The following SVIL variants were observed in gnomAD, a reference collection of about 807,000 sequenced individuals.
The protein encoded by SVIL is archvillin.
A neutral mutation model predicts 240.4 loss-of-function variants in SVIL; 101 were observed. The ratio of observed to expected loss-of-function variants is 0.42; its 90% CI spans 0.36 to 0.50. The LOEUF is 0.50. SVIL is among the 20% of genes least tolerant of loss of function. The pLI is 0.01. For synonymous variants in SVIL, 999 were observed against 1,100.0 expected (o/e 0.91, Z 1.82); for missense variants, 2,512 against 2,818.7 (o/e 0.89, Z 2.46).
chr10:29,659,894 T>C (rs1035919563), intron 2 of SVIL, among the ~76,000 whole-genome samples: 1 of 152,218 alleles, frequency 6.6e-6, no homozygotes, highest in Non-Finnish European at 1.5e-5. Flanking sequence ...TAGATCAATG[T>C]AAGCCTCTCT....
chr10:29,548,935 G>A (rs1952949197), intron 6 of SVIL, among the ~76,000 whole-genome samples: 1 of 152,166 alleles, frequency 6.6e-6, no homozygotes, highest in Non-Finnish European at 1.5e-5. Context: ...TTTTTAAAAC[G>A]AACATAAGAC....
chr10:29,689,998 G>A (rs562160551), intron 1 of SVIL, among the ~76,000 whole-genome samples: 6 of 152,218 alleles, frequency 3.9e-5, no homozygotes, highest in South Asian at 4.1e-4. Flanking sequence ...AAAATCTAAC[G>A]TTGGTGACAA....
intron 1 of SVIL, among the ~76,000 whole-genome samples, chr10:29,585,660 T>C (rs548317680): frequency 2.0e-5 from 3 of 151,548 alleles, no homozygotes; most frequent in Non-Finnish European, 3.0e-5. Context: ...GTGCTAAAAA[T>C]ACACACACAC....
At chr10:29,732,017 CTTCT>C (rs1031257842) in intron 1 of SVIL, among the ~76,000 whole-genome samples, 1 of 152,250 alleles carries the variant, frequency 6.6e-6, no homozygotes, top group Non-Finnish European at 1.5e-5. Flanking sequence ...CCTGCAGCGG[CTTCT>C]TTCTTTCCAG....
At chr10:29,619,153 T>C (rs966747182) in intron 1 of SVIL, among the ~76,000 whole-genome samples, 9 of 152,132 alleles carry the variant, frequency 5.9e-5, no homozygotes, top group Admixed American at 2.0e-4. Context: ...CAGAAGTCAT[T>C]ATGCGCAAAA....
At chr10:29,708,955 A>G (rs940331689) in intron 1 of SVIL, among the ~76,000 whole-genome samples, 3 of 152,244 alleles carry the variant, frequency 2.0e-5, no homozygotes, top group Non-Finnish European at 4.4e-5. Flanking sequence ...TCAATAGAAC[A>G]GTACAAAGAT....
At chr10:29,721,973 C>T (rs1353512337) in intron 1 of SVIL, among the ~76,000 whole-genome samples, 1 of 152,096 alleles carries the variant, frequency 6.6e-6, no homozygotes, top group Non-Finnish European at 1.5e-5. Context: ...GCTGGTGGCT[C>T]ACGCTTATAA....
intron 17 of SVIL, among the ~76,000 whole-genome samples, chr10:29,500,800 C>T (rs1184057057): frequency 1.3e-5 from 2 of 152,128 alleles, no homozygotes; most frequent in African/African-American, 2.4e-5. Context: ...CCTAGAGATT[C>T]TCTTCCCCGA....
At chr10:29,480,078 C>G (rs1287113008) in intron 29 of SVIL, among the ~76,000 whole-genome samples, 3 of 152,242 alleles carry the variant, frequency 2.0e-5, no homozygotes, top group South Asian at 2.1e-4. Flanking sequence ...CAGCCTCTTT[C>G]ACTTTTCAAA....
chr10:29,573,484 T>A (rs114528033), intron 1 of SVIL, among the ~76,000 whole-genome samples: 321 of 152,276 alleles, frequency 2.1e-3, no homozygotes, highest in African/African-American at 7.4e-3. Context: ...TTTATGTTCA[T>A]AGAAAGTATC....
At position 29,458,273 on chromosome 10, in the gene SVIL, G is replaced by T; in HGVS notation, c.6619C>A (p.Leu2207Met). The change falls in exon 38 of 38, where the codon CTG (leucine) becomes ATG (methionine). Residue 2207 changes from leucine to methionine, a missense_variant. Physicochemically the swap from Leu to Met is conservative, Grantham distance 15 (BLOSUM62 2). This residue lies in a region of SVIL where 797 missense variants were observed against 925.3 expected (regional missense o/e 0.86). Transcript: ENST00000355867. ...CAGAACAGGCCTTTTGCTTTCTTCA[G>T]GTTCACCTGCTTCCAGGCGGGCAGG... is the stretch of plus-strand genomic sequence containing the variant. Reference protein sequence around the residue: ...NALPAWKQVNLKKAKGLF With the variant: ...NALPAWKQVNMKKAKGLF The T allele has an allele frequency of 6.2e-7, 1 of 1,614,228 alleles. No homozygotes were observed. Among genetic ancestry groups the T allele is most frequent in the Non-Finnish European group, 8.5e-7 (1 of 1,180,050 alleles).
intron 2 of SVIL, among the ~76,000 whole-genome samples, chr10:29,565,192 CTCTT>C (rs1234926784): frequency 5.9e-5 from 9 of 152,134 alleles, no homozygotes; most frequent in Non-Finnish European, 1.3e-4. Flanking sequence ...CGTTATTTTC[CTCTT>C]TCTTTCTGTT....
chr10:29,470,866 C>T (rs1467394260), intron 31 of SVIL, among the ~76,000 whole-genome samples: 1 of 152,134 alleles, frequency 6.6e-6, no homozygotes, highest in African/African-American at 2.4e-5. Context: ...AGAAGAGCCA[C>T]TGATTTTTCT....
chr10:29,562,606 A>G (rs1171252872), intron 3 of SVIL, among the ~76,000 whole-genome samples: 1 of 151,978 alleles, frequency 6.6e-6, no homozygotes. Context: ...CTAAAAATAC[A>G]AAAAATTAGC....
intron 1 of SVIL, among the ~76,000 whole-genome samples, chr10:29,610,119 A>T (rs538057467): frequency 6.6e-6 from 1 of 152,276 alleles, no homozygotes; most frequent in South Asian, 2.1e-4. Flanking sequence ...GCTCCCTGCC[A>T]ATCTGGGTAG....
intron 1 of SVIL, among the ~76,000 whole-genome samples, chr10:29,630,879 T>C (rs1264347233): frequency 6.6e-6 from 1 of 152,096 alleles, no homozygotes; most frequent in African/African-American, 2.4e-5. Flanking sequence ...TACAATTCAA[T>C]CCGTTCAAAC....
At position 29,480,547 on chromosome 10, in the gene SVIL, C is replaced by A; in HGVS notation, c.5367G>T (p.Val1789=). ...DAYVVKWKFM[V]STAVGSRQKG... The stretch of plus-strand genomic sequence containing the variant: ...CAAGCGCTCACTAACCTGCCGTGCT[C>A]ACCATGAACTTCCACTTGACCACAT... Residue 1789 remains valine (V), a synonymous_variant, in exon 29 of 38, where the codon GTG becomes GTT. Transcript: ENST00000355867. 1.2e-6 allele frequency: 2 copies of A among 1,612,658 alleles called. No individual in the cohort carries two copies. The highest frequency in any genetic ancestry group is 1.1e-5 in the South Asian group (1 of 91,036).
At chr10:29,492,000 T>G (rs1362891854) in intron 21 of SVIL, among the ~76,000 whole-genome samples, 2 of 152,162 alleles carry the variant, frequency 1.3e-5, no homozygotes, top group African/African-American at 4.8e-5. Flanking sequence ...AGGAGCAGCT[T>G]GTAGAAAATG....
At chr10:29,575,332 C>G in intron 1 of SVIL, 1 of 215,708 alleles carries the variant, frequency 4.6e-6, no homozygotes, top group Admixed American at 4.2e-5. Flanking sequence ...ATTATCTTGA[C>G]GAGAAATGAT....
Sources: allele counts gnomAD v4.1 joint callset (sites outside exome capture counted in the v4.1 genomes callset), GRCh38; gene constraint gnomAD v4.1.1; regional missense constraint gnomAD v4.1.1; transcripts MANE v1.5; gene names NCBI Gene and HGNC (gene_info 2026-07-23, HGNC 2026-07-21).